CCNY: variants seen among roughly 807,000 people sequenced by gnomAD.
CCNY encodes cyclin Y.
CCNY carries 19 observed loss-of-function variants against 42.8 expected under a neutral mutation model. That is an observed-to-expected ratio of 0.44 (90% CI 0.31 to 0.65). CCNY has a LOEUF of 0.65. CCNY is among the 30% of genes least tolerant of loss of function. The probability of loss-of-function intolerance (pLI) is 0.07; values close to 1 mark genes in which losing one functional copy is unlikely to be tolerated. For synonymous variants in CCNY, 165 were observed against 162.7 expected, an observed-to-expected ratio of 1.01 and a Z score of -0.11; for missense variants, 370 against 437.3, an observed-to-expected ratio of 0.85 and a Z score of 1.37.
At chr10:35,481,136 T>TA (rs1430115959) in intron 1 of CCNY, among the ~76,000 whole-genome samples, 20 of 152,262 alleles carry the variant, frequency 1.3e-4, no homozygotes, top group Non-Finnish European at 1.8e-4. Flanking sequence ...CCTAATGACA[T>TA]ACGGTACATC....
intron 4 of CCNY, among the ~76,000 whole-genome samples, chr10:35,525,202 G>A (rs905419363): frequency 6.6e-6 from 1 of 152,032 alleles, no homozygotes; most frequent in Non-Finnish European, 1.5e-5. Flanking sequence ...GTTAAAAGTA[G>A]GATGGAAACC....
intron 3 of CCNY, among the ~76,000 whole-genome samples, chr10:35,318,860 C>T (rs1835790776): frequency 6.6e-6 from 1 of 152,032 alleles, no homozygotes; most frequent in South Asian, 2.1e-4. Context: ...CAAGACCCTC[C>T]CCTCCCCTCC....
At chr10:35,460,942 TG>T (rs1839144948) in intron 1 of CCNY, among the ~76,000 whole-genome samples, 1 of 151,964 alleles carries the variant, frequency 6.6e-6, no homozygotes, top group African/African-American at 2.4e-5. Context: ...ATGTGGAGGT[TG>T]GGCTAGGACA....
chr10:35,396,104 A>G (rs1188338158), intron 1 of CCNY, among the ~76,000 whole-genome samples: 1 of 152,152 alleles, frequency 6.6e-6, no homozygotes, highest in African/African-American at 2.4e-5. Context: ...CGTCCCCAGC[A>G]TGGCGTTTTG....
At chr10:35,441,459 G>A (rs1479930952) in intron 1 of CCNY, among the ~76,000 whole-genome samples, 2 of 152,182 alleles carry the variant, frequency 1.3e-5, no homozygotes, top group Non-Finnish European at 2.9e-5. Context: ...TAGCAATTGG[G>A]CTTTTCAATG....
chr10:35,517,663 C>T lies in CCNY; in HGVS notation c.365+1040C>T, dbSNP rs115898066. 4.3e-3 allele frequency among the ~76,000 whole-genome samples: 649 copies of T among 152,270 alleles called. 7 individuals are homozygous for T. Among genetic ancestry groups the T allele is most frequent in the African/African-American group, 0.015 (618 of 41,528 alleles). ...GGGTAGAGGCTGCCTGTTGGCACTG[C>T]GCTTGTCAGGTTCCGTGCTTCCAGG... On this transcript the variant is annotated intron_variant, in intron 4 of 9. Coordinates refer to ENST00000374704, the MANE Select transcript of CCNY (RefSeq NM_145012.6).
chr10:35,417,747 C>T (rs550084035), intron 1 of CCNY, among the ~76,000 whole-genome samples: 1 of 152,278 alleles, frequency 6.6e-6, no homozygotes, highest in South Asian at 2.1e-4. Context: ...AATGAACAAG[C>T]CATCTATCAG....
intron 1 of CCNY, among the ~76,000 whole-genome samples, chr10:35,377,513 G>T (rs1169667042): frequency 6.6e-6 from 1 of 152,162 alleles, no homozygotes; most frequent in Non-Finnish European, 1.5e-5. Context: ...ATCTAGGTTT[G>T]TGTAAGTACA....
At chr10:35,394,956 A>G (rs1209116585) in intron 1 of CCNY, 6 of 518,740 alleles carry the variant, frequency 1.2e-5, no homozygotes, top group African/African-American at 2.1e-5. Flanking sequence ...CTTCACATCC[A>G]TTCGCCACAT....
At chr10:35,433,838 A>G (rs572853936) in intron 1 of CCNY, among the ~76,000 whole-genome samples, 2 of 152,294 alleles carry the variant, frequency 1.3e-5, no homozygotes, top group South Asian at 2.1e-4. Flanking sequence ...CGAACTCCTG[A>G]CCTCAGGTGA....
chr10:35,286,091 C>A (rs192549540), intron 3 of CCNY, among the ~76,000 whole-genome samples: 1 of 152,092 alleles, frequency 6.6e-6, no homozygotes, highest in Non-Finnish European at 1.5e-5. Context: ...GGATTACAGG[C>A]GTGAACCACC....
intron 1 of CCNY, among the ~76,000 whole-genome samples, chr10:35,355,669 T>G (rs1836530148): frequency 1.3e-5 from 1 of 76,820 alleles, no homozygotes; most frequent in Admixed American, 2.3e-4. Context: ...CAGAGCAAGA[T>G]ACTGTCTCCA....
chr10:35,468,480 C>T (rs776085092), intron 1 of CCNY, among the ~76,000 whole-genome samples: 19 of 152,054 alleles, frequency 1.2e-4, no homozygotes, highest in Admixed American at 5.2e-4. Flanking sequence ...TTATTTTTTT[C>T]AGAGTATCTT....
intron 1 of CCNY, among the ~76,000 whole-genome samples, chr10:35,399,663 G>A (rs1271004652): frequency 2.0e-5 from 3 of 152,308 alleles, no homozygotes; most frequent in Admixed American, 1.3e-4. Flanking sequence ...GCAACATAAC[G>A]AGAGTCTGTC....
intron 3 of CCNY, among the ~76,000 whole-genome samples, chr10:35,508,282 A>G (rs1840255257): frequency 6.6e-6 from 1 of 151,832 alleles, no homozygotes; most frequent in Non-Finnish European, 1.5e-5. Flanking sequence ...AGATTCCTGG[A>G]TTTCTGCTTT....
chr10:35,452,262 G>T (rs1838935107), intron 1 of CCNY, among the ~76,000 whole-genome samples: 1 of 152,168 alleles, frequency 6.6e-6, no homozygotes, highest in Non-Finnish European at 1.5e-5. Context: ...CAAGTGATTG[G>T]AGTGATTTCT....
intron 1 of CCNY, among the ~76,000 whole-genome samples, chr10:35,380,420 C>T (rs1837156809): frequency 6.6e-6 from 1 of 152,114 alleles, no homozygotes; most frequent in Non-Finnish European, 1.5e-5. Context: ...GTTTTAAAGC[C>T]CAAAGAGACC....
Position 35,543,412 on chromosome 10 carries a change from A to G in CCNY, c.580-9607A>G, listed in dbSNP as rs114064095. 6.8e-3 allele frequency among the ~76,000 whole-genome samples: 1,032 copies of G among 152,364 alleles called. 10 individuals are homozygous for G. Among genetic ancestry groups the G allele is most frequent in the African/African-American group, 0.024 (986 of 41,586 alleles). ...CTGTAACAATATGGTCATGTGCCAC[A>G]TAATGGTGTTTCAGTCAACGATGGA... On this transcript the variant is annotated intron_variant, in intron 7 of 9. Coordinates refer to ENST00000374704, the MANE Select transcript of CCNY (RefSeq NM_145012.6).
At chr10:35,503,753 G>A (rs1366344628) in intron 3 of CCNY, among the ~76,000 whole-genome samples, 1 of 152,192 alleles carries the variant, frequency 6.6e-6, no homozygotes, top group East Asian at 1.9e-4. Context: ...ATGAGGAGAT[G>A]AGGCACAAAG....
Sources: gnomAD v4.1 joint callset for allele counts (sites outside exome capture counted in the v4.1 genomes callset) on GRCh38, gnomAD v4.1.1 for gene constraint, MANE v1.5 for transcripts, NCBI Gene and HGNC (gene_info 2026-07-23, HGNC 2026-07-21) for gene names.